ATXN7: variants seen among roughly 807,000 people sequenced by gnomAD.
The protein encoded by ATXN7 is ataxin-7.
In ATXN7, 12 loss-of-function variants were observed where a neutral mutation model predicts 70.5. The observed-to-expected ratio is 0.17, with a 90% CI of 0.11 to 0.28. The LOEUF is 0.28. ATXN7 is among the 10% of genes least tolerant of loss of function. The probability of loss-of-function intolerance (pLI) is 1.00; values close to 1 mark genes in which losing one functional copy is unlikely to be tolerated. For missense variants in ATXN7, 1,256 were observed against 1,131.7 expected, an observed-to-expected ratio of 1.11 and a Z score of -1.58; for synonymous variants, 498 against 448.7, an observed-to-expected ratio of 1.11 and a Z score of -1.39.
intron 1 of ATXN7, among the ~76,000 whole-genome samples, chr3:63,869,144 C>A (rs1200695959): frequency 6.6e-6 from 1 of 152,162 alleles, no homozygotes; most frequent in Non-Finnish European, 1.5e-5. Context: ...TCGTGGTGAT[C>A]ATTTATGCTT....
chr3:63,910,414 G>A (rs904795934), intron 2 of ATXN7, among the ~76,000 whole-genome samples: 8 of 152,040 alleles, frequency 5.3e-5, no homozygotes, highest in East Asian at 1.9e-4. Flanking sequence ...CCAAATTTTC[G>A]TTTTTCTTAA....
chr3:63,998,698 T>C, intron 12 of ATXN7: 1 of 983,710 alleles, frequency 1.0e-6, no homozygotes, highest in Non-Finnish European at 1.2e-6. Context: ...CCCCAAGAAG[T>C]ATTGCACATT....
chr3:63,903,623 C>T (rs192599068), intron 2 of ATXN7: 1 of 152,226 alleles, frequency 6.6e-6, no homozygotes, highest in Non-Finnish European at 1.5e-5. Context: ...TTAATATGTG[C>T]CAGGCACTAT....
intron 2 of ATXN7, chr3:63,904,366 GC>G (rs1278875495): frequency 4.7e-5 from 7 of 148,502 alleles, no homozygotes; most frequent in Non-Finnish European, 7.4e-5. Flanking sequence ...CTCACCACAA[GC>G]CCCCCCCACT....
At chr3:63,954,035 C>G (rs1257962472) in intron 5 of ATXN7, among the ~76,000 whole-genome samples, 1 of 152,128 alleles carries the variant, frequency 6.6e-6, no homozygotes, top group Admixed American at 6.5e-5. Context: ...AAGCAACATT[C>G]CACCATTTTT....
rs907098940 is a variant in ATXN7, at chr3:63,995,828, G to C, written c.2006G>C (p.Arg669Thr). 1.2e-6 allele frequency: 2 copies of C among 1,613,998 alleles called. No homozygotes were observed. Among genetic ancestry groups the C allele is most frequent in the African/African-American group, 2.7e-5 (2 of 74,882 alleles). ...LSSVPSSPMSRKPQKLKSSKS... is the reference protein window; with the variant it reads ...LSSVPSSPMSTKPQKLKSSKS... ...TCGGTTCCTTCCTCCCCCATGTCCA[G>C]GAAACCTCAGAAATTGAAATCCAGC... Residue 669 changes from arginine to threonine, a missense_variant, in exon 12 of 13, where the codon AGG (arginine) becomes ACG (threonine). Transcript: ENST00000674280.
chr3:63,941,804 T>C (rs1173639544), intron 4 of ATXN7, among the ~76,000 whole-genome samples: 1 of 152,188 alleles, frequency 6.6e-6, no homozygotes, highest in Non-Finnish European at 1.5e-5. Flanking sequence ...CTGGGAGTTG[T>C]GCTTATGGAA....
intron 12 of ATXN7, 79 bp downstream of exon 12, chr3:63,996,562 T>G (rs2075763795): frequency 2.7e-6 from 4 of 1,492,502 alleles, no homozygotes; most frequent in South Asian, 1.3e-5. Flanking sequence ...GAAATGTGTT[T>G]GGTTGGGTTG....
At chr3:63,877,060 G>GT (rs1440644415) in intron 1 of ATXN7, among the ~76,000 whole-genome samples, 4 of 151,942 alleles carry the variant, frequency 2.6e-5, no homozygotes, top group African/African-American at 7.3e-5. Context: ...ATTTTGAATG[G>GT]TTTTTTTAAT....
At chr3:63,897,177 A>T (rs1018779715) in intron 1 of ATXN7, among the ~76,000 whole-genome samples, 5 of 152,216 alleles carry the variant, frequency 3.3e-5, no homozygotes, top group African/African-American at 1.2e-4. Context: ...ATGTTGAACA[A>T]GAAAACAGCT....
At chr3:63,868,574 A>T (rs1702503327) in intron 1 of ATXN7, among the ~76,000 whole-genome samples, 1 of 152,182 alleles carries the variant, frequency 6.6e-6, no homozygotes, top group Non-Finnish European at 1.5e-5. Context: ...GATTTTCAAA[A>T]ATGAGTTAGG....
chr3:63,917,257 TGTTTTTGAAATGATTAAAC>T (rs777278106), intron 4 of ATXN7, among the ~76,000 whole-genome samples: 24 of 152,214 alleles, frequency 1.6e-4, no homozygotes, highest in Non-Finnish European at 2.8e-4. Flanking sequence ...CCCTGGTTGA[TGTTTTTGAAATGATTAAAC>T]GTTTTTGAAA....
chr3:63,999,818 G>A lies in ATXN7; in HGVS notation c.*351G>A. The A allele has an allele frequency of 2.3e-6, 1 of 426,934 alleles. No homozygotes were observed. The highest frequency in any genetic ancestry group is 4.3e-6 in the Non-Finnish European group (1 of 233,860). 26.4% of individuals were successfully genotyped at this position (426,934 alleles called of 1,614,324 possible). A position where few individuals can be genotyped will look rare whatever the true frequency, so the allele number is the denominator to read the frequency against. On this transcript the variant is annotated 3_prime_UTR_variant, in exon 13 of 13. Transcript: ENST00000674280. ...GCCACTCTTCAAGTAGATTGGCTGG[G>A]CAAAAGAATGTTTTGGCAAGAGCGT...
At chr3:63,868,926 A>G (rs1211328880) in intron 1 of ATXN7, among the ~76,000 whole-genome samples, 1 of 152,172 alleles carries the variant, frequency 6.6e-6, no homozygotes, top group Non-Finnish European at 1.5e-5. Context: ...AAATGCCTTC[A>G]CAGTTGGGTA....
Position 63,967,811 on chromosome 3 carries a change from A to G in ATXN7, c.500-12104A>G, listed in dbSNP as rs2075251031. ...TTTACAGTAGTAGCAAATGTTACAT[A>G]AGCCCAAACATGGAGCATATTTGGA... On this transcript the variant is annotated intron_variant, in intron 5 of 12. Coordinates refer to ENST00000674280, the MANE Select transcript of ATXN7 (RefSeq NM_001377405.1). The G allele has an allele frequency of 9.3e-6, 14 of 1,510,250 alleles. No individual in the cohort carries two copies. The East Asian group carries it at 3.5e-4, about 37-fold the overall frequency. The allele number at this position is 1,510,250 out of a possible 1,614,324, so 93.6% of individuals were successfully genotyped here.
chr3:63,882,974 A>G (rs572463579), intron 1 of ATXN7, among the ~76,000 whole-genome samples: 1 of 152,256 alleles, frequency 6.6e-6, no homozygotes, highest in Non-Finnish European at 1.5e-5. Flanking sequence ...GTTTGATTAT[A>G]CAGTATCTAT....
At chr3:63,902,927 A>T (rs1233040467) in intron 2 of ATXN7, among the ~76,000 whole-genome samples, 2 of 152,222 alleles carry the variant, frequency 1.3e-5, no homozygotes, top group African/African-American at 4.8e-5. Flanking sequence ...AAATCTAAAC[A>T]TTATATAAAT....
intron 4 of ATXN7, among the ~76,000 whole-genome samples, chr3:63,945,583 C>A (rs138729475): frequency 6.6e-6 from 1 of 152,190 alleles, no homozygotes; most frequent in Non-Finnish European, 1.5e-5. Flanking sequence ...AGGACTTAAT[C>A]TTTCAATTAT....
chr3:63,937,301 G>T (rs950609301), intron 4 of ATXN7, among the ~76,000 whole-genome samples: 2 of 152,290 alleles, frequency 1.3e-5, no homozygotes, highest in Middle Eastern at 3.4e-3. Flanking sequence ...ATTTATTAGC[G>T]CATAAAGTTC....
Sources: gnomAD v4.1 joint callset for allele counts (sites outside exome capture counted in the v4.1 genomes callset) on GRCh38, gnomAD v4.1.1 for gene constraint, MANE v1.5 for transcripts, NCBI Gene and HGNC (gene_info 2026-07-23, HGNC 2026-07-21) for gene names.